FMR1: variants seen among roughly 807,000 people sequenced by gnomAD.
The protein encoded by FMR1 is FMRP translational regulator 1.
FMR1 carries 13 observed loss-of-function variants against 50.6 expected under a neutral mutation model. That is an observed-to-expected ratio of 0.26 (90% CI 0.17 to 0.41). FMR1 has a LOEUF of 0.41. Among genes scored for constraint, FMR1 ranks in the 10% least tolerant of loss-of-function variants. The pLI is 1.00. For missense variants in FMR1, 316 were observed against 491.3 expected, an observed-to-expected ratio of 0.64 and a Z score of 3.37; for synonymous variants, 138 against 164.1, an observed-to-expected ratio of 0.84 and a Z score of 1.22.
chrX:147,944,040 G>A (rs2044093540), intron 14 of FMR1: 1 of 326,179 alleles, frequency 3.1e-6, no homozygotes, highest in Non-Finnish European at 4.0e-6. Context: ...GCTATAATTG[G>A]TCATTAGCTC....
intron 1 of FMR1, 146 bp from the exon 2 acceptor site, chrX:147,921,787 A>G (rs988300195): frequency 2.2e-5 from 10 of 459,795 alleles, no homozygotes; most frequent in African/African-American, 2.0e-4. Flanking sequence ...TGCTTAATGA[A>G]TAAAATGATC....
intron 2 of FMR1, among the ~76,000 whole-genome samples, chrX:147,924,458 G>C (rs1394245374): frequency 1.0e-5 from 1 of 98,906 alleles, no homozygotes; most frequent in Non-Finnish European, 2.0e-5. Context: ...TTGTCTTTCA[G>C]TATTTTATTT....
At chrX:147,942,114 G>A (rs29289) in intron 13 of FMR1, among the ~76,000 whole-genome samples, 6,751 of 112,541 alleles carry the variant, frequency 0.06, 204 homozygotes, top group Middle Eastern at 0.12. Flanking sequence ...GCAGAGCACA[G>A]ATGAAACGGA....
chrX:147,941,190 A>G (rs1419967798), intron 13 of FMR1, among the ~76,000 whole-genome samples: 2 of 111,905 alleles, frequency 1.8e-5, no homozygotes, highest in African/African-American at 6.5e-5. Flanking sequence ...TAAAATTTCA[A>G]ACTGGAAGAT....
intron 1 of FMR1, chrX:147,914,262 G>A (rs2042740343): frequency 8.9e-6 from 1 of 112,250 alleles, no homozygotes; most frequent in African/African-American, 3.2e-5. Flanking sequence ...ATTTAATTAA[G>A]TTTGATTTCT....
In FMR1 at chrX:147,929,963, G is replaced by T. The variant is rs782632430; in HGVS notation, c.435G>T (p.Ala145=). 2.0e-5 allele frequency: 24 copies of T among 1,195,578 alleles called. No homozygotes were observed. The South Asian group carries it at 2.8e-4, about 14-fold the overall frequency. ...AAATTTCTAGGTGTGCCAAAGAGGCGGCACATAAGGATTTTAAAAAGGCAG... is the reference window on the plus strand; with the variant it reads ...AAATTTCTAGGTGTGCCAAAGAGGCTGCACATAAGGATTTTAAAAAGGCAG... ...EDLRQMCAKE[A]AHKDFKKAVG... is the part of the protein sequence containing the mutation. Residue 145 remains alanine (A), a synonymous_variant, in exon 6 of 17, where the codon GCG becomes GCT. Transcript: ENST00000370475.
intron 4 of FMR1, 92 bp from the exon 5 acceptor site, chrX:147,928,567 T>C (rs782727464): frequency 1.1e-6 from 1 of 893,537 alleles, no homozygotes; most frequent in East Asian, 3.3e-5. Flanking sequence ...TTTTTTCACA[T>C]AGATTATTTA....
At position 147,932,494 on chromosome X, in the gene FMR1, A is replaced by G. The variant is rs1693582186; in HGVS notation, c.700A>G (p.Ile234Val). Residue 234 changes from isoleucine to valine, a missense_variant, in exon 8 of 17, where the codon ATT (isoleucine) becomes GTT (valine). Ile to Val is a conservative substitution (Grantham distance 29, BLOSUM62 3). Coordinates refer to ENST00000370475, the MANE Select transcript of FMR1 (RefSeq NM_002024.6). ...IVREDLMGLAIGTHGANIQQA... is the reference protein window; with the variant it reads ...IVREDLMGLAVGTHGANIQQA... ...AAGAGAAGATCTGATGGGTCTAGCT[A>G]TTGGTACTCATGGTGCTAATATTCA... The G allele has an allele frequency of 8.3e-7, 1 of 1,204,625 alleles. No homozygotes were observed. Among genetic ancestry groups the G allele is most frequent in the African/African-American group, 1.8e-5 (1 of 57,050 alleles).
chrX:147,915,841 G>A (rs1253036239), intron 1 of FMR1, among the ~76,000 whole-genome samples: 1 of 111,757 alleles, frequency 8.9e-6, no homozygotes, highest in East Asian at 2.8e-4. Flanking sequence ...ACTACCAAGT[G>A]TCAGGGCCAT....
Position 147,943,615 on chromosome X carries a change from T to C in FMR1, c.1471+289T>C, listed in dbSNP as rs950982286. 4 of 314,723 alleles carry C rather than the reference T, an allele frequency of 1.3e-5. No individual in the cohort carries two copies. In the South Asian group the frequency reaches 2.1e-4, roughly 17 times the overall value. 25.9% of individuals were successfully genotyped at this position (314,723 alleles called of 1,213,427 possible). ...CTCTCCTGATTTTATAACTGTATAG[T>C]CAAAACTTTTTTCATTTGTGTACTG... On this transcript the variant is annotated intron_variant, in intron 14 of 16. Transcript: ENST00000370475.
chrX:147,933,230 C>T (rs888215820), intron 9 of FMR1, among the ~76,000 whole-genome samples: 4 of 110,546 alleles, frequency 3.6e-5, no homozygotes, highest in Non-Finnish European at 5.7e-5. Context: ...CCTACTAATA[C>T]CTGAAAGGAT....
rs782049503 is a variant in FMR1, at chrX:147,949,371, A to C, written c.*527A>C. 62 of 327,515 alleles carry C rather than the reference A, an allele frequency of 1.9e-4. No individual in the cohort carries two copies. Among genetic ancestry groups the C allele is most frequent in the Non-Finnish European group, 3.1e-4 (52 of 169,692 alleles). The allele number at this position is 327,515 out of a possible 1,213,427, so 27.0% of individuals were successfully genotyped here. ...TGACATTTGTCATTTTCATTAGCAA[A>C]AAAAGTTGTATGATCTGTGCCTTTT... On this transcript the variant is annotated 3_prime_UTR_variant, in exon 17 of 17. Coordinates refer to ENST00000370475, the MANE Select transcript of FMR1 (RefSeq NM_002024.6).
intron 9 of FMR1, among the ~76,000 whole-genome samples, chrX:147,934,388 A>G (rs2043716233): frequency 9.1e-6 from 1 of 110,477 alleles, no homozygotes; most frequent in Admixed American, 9.7e-5. Context: ...CCCCCTGAGA[A>G]TTATTTTTCT....
In FMR1 at chrX:147,945,541, C is replaced by T. The variant is rs1039454791; in HGVS notation, c.1662C>T (p.Asp554=). ...TTGAAAATATTCTCATAGGAAACGA[C>T]GATCACTCCCGAACAGATAATCGTC... ...RGRGGGFKGN[D]DHSRTDNRPR... Residue 554 remains aspartate (D), a synonymous_variant, in exon 16 of 17, where the codon GAC becomes GAT. Transcript: ENST00000370475. The T allele has an allele frequency of 2.5e-6, 3 of 1,204,318 alleles. No individual in the cohort carries two copies. The highest frequency in any genetic ancestry group is 1.7e-5 in the African/African-American group (1 of 57,694).
intron 5 of FMR1, 26 bp from the exon 6 acceptor site, chrX:147,929,922 C>T: frequency 9.7e-7 from 1 of 1,029,136 alleles, no homozygotes; most frequent in Non-Finnish European, 1.4e-6. Flanking sequence ...AATTATTCAT[C>T]TTAATTTTTT....
In FMR1 at chrX:147,912,120, G is replaced by C. The variant is rs1557173943; in HGVS notation, c.-60G>C. ...GCGGCGGCGGCGGCGGCTGGGCCTC[G>C]AGCGCCCGCAGCCCACCTCTCGGGG... On this transcript the variant is annotated 5_prime_UTR_variant, in exon 1 of 17. Coordinates refer to ENST00000370475, the MANE Select transcript of FMR1 (RefSeq NM_002024.6). 1 of 745,485 alleles carries C rather than the reference G, an allele frequency of 1.3e-6. No homozygotes were observed. The allele number at this position is 745,485 out of a possible 1,213,427, so 61.4% of individuals were successfully genotyped here.
chrX:147,919,238 T>C (rs934789878), intron 1 of FMR1, among the ~76,000 whole-genome samples: 5 of 111,540 alleles, frequency 4.5e-5, no homozygotes, highest in Non-Finnish European at 9.4e-5. Flanking sequence ...TGTTAATTTG[T>C]TATTAGCCAT....
intron 14 of FMR1, chrX:147,944,307 G>T: frequency 1.3e-6 from 1 of 753,142 alleles, no homozygotes; most frequent in Non-Finnish European, 1.6e-6. Flanking sequence ...GGGAGGGCAG[G>T]TTGTGGACCA....
At chrX:147,939,707 G>A (rs2043913628) in intron 12 of FMR1, among the ~76,000 whole-genome samples, 2 of 99,441 alleles carry the variant, frequency 2.0e-5, no homozygotes, top group Non-Finnish European at 4.0e-5. Flanking sequence ...GACCAGCCTG[G>A]GCAATGTGGC....
Sources: allele counts gnomAD v4.1 joint callset (sites outside exome capture counted in the v4.1 genomes callset), GRCh38; gene constraint gnomAD v4.1.1; transcripts MANE v1.5; gene names NCBI Gene and HGNC (gene_info 2026-07-23, HGNC 2026-07-21).